Variants in LDB3 observed in about 807,000 individuals in gnomAD.
LDB3 encodes the protein LIM domain-binding protein 3.
A neutral mutation model predicts 69.0 loss-of-function variants in LDB3; 49 were observed. The ratio of observed to expected loss-of-function variants is 0.71; its 90% CI spans 0.56 to 0.90. The LOEUF (loss-of-function observed/expected upper bound fraction) is 0.90, where lower values mean the gene tolerates loss of function less well. LDB3 is among the 40% of genes least tolerant of loss of function. LDB3 has a pLI of 0.00. For synonymous variants in LDB3, 387 were observed against 396.2 expected (o/e 0.98, Z 0.28); for missense variants, 928 against 974.1 (o/e 0.95, Z 0.63).
At chr10:86,726,475 C>T (rs1400414698) in intron 13 of LDB3, 12 of 576,642 alleles carry the variant, frequency 2.1e-5, no homozygotes, top group Admixed American at 5.2e-5. Flanking sequence ...CTTTCCATTT[C>T]GTTAAGGACA....
chr10:86,679,780 C>A (rs1845010081), intron 3 of LDB3, among the ~76,000 whole-genome samples: 1 of 152,230 alleles, frequency 6.6e-6, no homozygotes, highest in Admixed American at 6.5e-5. Flanking sequence ...GGCCATTGGT[C>A]CTGGAAGGCA....
At chr10:86,704,861 C>T (rs1032486473) in intron 7 of LDB3, among the ~76,000 whole-genome samples, 3 of 152,074 alleles carry the variant, frequency 2.0e-5, no homozygotes, top group Non-Finnish European at 2.9e-5. Context: ...GGATTACAGG[C>T]GTGAGTCACT....
chr10:86,710,291 C>A, intron 9 of LDB3: 1 of 980,606 alleles, frequency 1.0e-6, no homozygotes, highest in South Asian at 4.7e-5. Context: ...CGAAGGAGAG[C>A]AGAGAAGTCT....
rs148638169 is a variant in LDB3 at position 86,680,132 on chromosome 10, C to T, written c.296C>T (p.Pro99Leu). 4.3e-6 allele frequency: 7 copies of T among 1,614,116 alleles called. No homozygotes were observed. In the African/African-American group the frequency reaches 5.3e-5, roughly 12 times the overall value. ...ISTTAPPVQT[P>L]LPVIPHQKDP... ...ACGACAGCACCTCCAGTCCAGACCC[C>T]TCTGCCGGTGATCCCTCACCAGAAG... The change falls in exon 4 of 14, where the codon CCT becomes CTT. Residue 99 changes from proline to leucine, a missense_variant. Physicochemically the swap from Pro to Leu is moderately conservative, Grantham distance 98. Coordinates refer to ENST00000361373, the MANE Select transcript of LDB3 (RefSeq NM_007078.3).
intron 5 of LDB3, among the ~76,000 whole-genome samples, chr10:86,686,745 T>C (rs1408271162): frequency 2.1e-5 from 3 of 142,592 alleles, no homozygotes; most frequent in Non-Finnish European, 4.5e-5. Flanking sequence ...AGGTTGAGAC[T>C]GGAGTGAGTG....
intron 11 of LDB3, 28 bp from the exon 12 acceptor site, chr10:86,718,699 T>C (rs1369776186): frequency 6.2e-7 from 1 of 1,614,050 alleles, no homozygotes; most frequent in African/African-American, 1.3e-5. Flanking sequence ...CTCTCCTTTC[T>C]GTCCTGAGCT....
intron 5 of LDB3, chr10:86,685,530 C>G: frequency 1.3e-6 from 1 of 798,616 alleles, no homozygotes; most frequent in Non-Finnish European, 2.2e-6. Context: ...TGAGTTCTCC[C>G]TCCTCACTCC....
At chr10:86,720,238 A>G (rs2132490463) in intron 12 of LDB3, among the ~76,000 whole-genome samples, 1 of 152,336 alleles carries the variant, frequency 6.6e-6, no homozygotes, top group Non-Finnish European at 1.5e-5. Flanking sequence ...TGAGGTCAGG[A>G]GTTCAAGACC....
At chr10:86,701,352 T>C (rs1846256883) in intron 7 of LDB3, among the ~76,000 whole-genome samples, 2 of 152,306 alleles carry the variant, frequency 1.3e-5, no homozygotes, top group Admixed American at 6.5e-5. Flanking sequence ...GGCGGGCTCT[T>C]GGACCCCTGC....
chr10:86,714,605 G>A (rs1846793688), intron 9 of LDB3, among the ~76,000 whole-genome samples: 1 of 149,508 alleles, frequency 6.7e-6, no homozygotes, highest in South Asian at 2.1e-4. Context: ...GCCCAGGCTG[G>A]AGTGCAGTGG....
At chr10:86,678,623 C>T in intron 2 of LDB3, among the ~76,000 whole-genome samples, 1 of 151,998 alleles carries the variant, frequency 6.6e-6, no homozygotes, top group Admixed American at 6.6e-5. Flanking sequence ...CAGGCGTGAG[C>T]CACCACGCCC....
chr10:86,674,544 C>G (rs537286741), intron 2 of LDB3, among the ~76,000 whole-genome samples: 1 of 152,236 alleles, frequency 6.6e-6, no homozygotes, highest in Non-Finnish European at 1.5e-5. Context: ...GAGACAGGAG[C>G]TCGGTGCCCC....
Position 86,668,517 on chromosome 10 carries a change from A to G in LDB3, c.-77A>G. On this transcript the variant is annotated 5_prime_UTR_variant, in exon 1 of 14. Transcript: ENST00000361373. ...ATGGCATTCGCTCCCAGCTATTCTT[A>G]GGAGCCTCTCAAGAGCTCCACGCAG... is the stretch of plus-strand genomic sequence containing the variant. The G allele has an allele frequency of 1.4e-6, 1 of 692,832 alleles. No individual in the cohort carries two copies. Among genetic ancestry groups the G allele is most frequent in the Non-Finnish European group, 2.6e-6 (1 of 377,786 alleles). The allele number at this position is 692,832 out of a possible 1,614,324, so 42.9% of individuals were successfully genotyped here. A position where few individuals can be genotyped will look rare whatever the true frequency, so the allele number is the denominator to read the frequency against.
rs12254069 is a variant in LDB3 at position 86,679,243 on chromosome 10, G to A, written c.94-124G>A. The A allele has an allele frequency of 9.7e-3, 11,528 of 1,185,616 alleles. 680 individuals carry two copies. In the African/African-American group the frequency reaches 0.14, roughly 15 times the overall value. The allele number at this position is 1,185,616 out of a possible 1,614,324, so 73.4% of individuals were successfully genotyped here. On this transcript the variant is annotated intron_variant, in intron 2 of 13. Transcript: ENST00000361373. ...GCTTGGTTAGCAGCTGGTACTGGCCGTAGCGAATGAAAAACACAATGACGG... is the reference window on the plus strand; with the variant it reads ...GCTTGGTTAGCAGCTGGTACTGGCCATAGCGAATGAAAAACACAATGACGG...
At chr10:86,687,112 T>A in intron 5 of LDB3, 1 of 1,614,106 alleles carries the variant, frequency 6.2e-7, no homozygotes, top group Non-Finnish European at 8.5e-7. Flanking sequence ...CCTGAAGGAC[T>A]CGGCCCTGTC....
At chr10:86,727,313 C>T (rs1339819401) in intron 13 of LDB3, among the ~76,000 whole-genome samples, 4 of 151,778 alleles carry the variant, frequency 2.6e-5, no homozygotes, top group South Asian at 2.1e-4. Flanking sequence ...TGAGCCACCA[C>T]GCCTGGCTGA....
intron 8 of LDB3, 26 bp from the exon 9 acceptor site, chr10:86,709,879 T>C (rs1846573733): frequency 1.2e-6 from 2 of 1,605,070 alleles, no homozygotes; most frequent in African/African-American, 1.3e-5. Flanking sequence ...TCCTTCTGGG[T>C]GTAACCCCTC....
intron 13 of LDB3, 86 bp from the exon 14 acceptor site, chr10:86,732,801 G>T: frequency 9.3e-7 from 1 of 1,069,748 alleles, no homozygotes; most frequent in South Asian, 1.3e-5. Flanking sequence ...ACCACGCCTG[G>T]CCAGGGCGTT....
At chr10:86,715,612 T>A (rs901978995) in intron 9 of LDB3, among the ~76,000 whole-genome samples, 3 of 152,122 alleles carry the variant, frequency 2.0e-5, no homozygotes, top group African/African-American at 7.2e-5. Flanking sequence ...CAAAGCGATG[T>A]GGGAGTACAG....
Sources: allele counts gnomAD v4.1 joint callset (sites outside exome capture counted in the v4.1 genomes callset), GRCh38; gene constraint gnomAD v4.1.1; transcripts MANE v1.5; gene names NCBI Gene and HGNC (gene_info 2026-07-23, HGNC 2026-07-21).